Variants in LY6S observed in about 807,000 individuals in gnomAD.
LY6S encodes lymphocyte antigen 6 family member S, also known as lymphocyte antigen 6S.
chr8:143,064,768 G>A, the LY6S span, among the ~76,000 whole-genome samples: 3 of 152,242 alleles, frequency 2.0e-5, no homozygotes, highest in African/African-American at 7.2e-5. Context: ...ACAGTGGAAT[G>A]TATGTCCTCT....
At chr8:143,072,461 G>C in the LY6S span, among the ~76,000 whole-genome samples, 1 of 129,144 alleles carries the variant, frequency 7.7e-6, no homozygotes, top group Non-Finnish European at 1.6e-5. Context: ...ATTCCTGTTT[G>C]AGGAGACAGC....
the LY6S span, among the ~76,000 whole-genome samples, chr8:143,072,587 G>A: frequency 1.1e-4 from 10 of 92,992 alleles, no homozygotes; most frequent in East Asian, 5.3e-4. Flanking sequence ...CGTCCTCGGG[G>A]TTCCTGTTTG....
At chr8:143,063,773 G>A in the LY6S span, among the ~76,000 whole-genome samples, 1 of 152,186 alleles carries the variant, frequency 6.6e-6, no homozygotes, top group African/African-American at 2.4e-5. Flanking sequence ...TGGGAGTGTG[G>A]CCTGGCATTT....
chr8:143,044,597 G>A, the LY6S span: 1 of 1,264,250 alleles, frequency 7.9e-7, no homozygotes, highest in African/African-American at 1.5e-5. Context: ...GGGCTTGTAG[G>A]GGGACCTTGG....
chr8:143,052,141 C>T, the LY6S span, among the ~76,000 whole-genome samples: 2 of 151,436 alleles, frequency 1.3e-5, no homozygotes, highest in African/African-American at 2.4e-5. Flanking sequence ...ATTAGCCAGG[C>T]GTGGTGGCGG....
At chr8:143,044,744 C>T in the LY6S span, 26 of 1,367,466 alleles carry the variant, frequency 1.9e-5, no homozygotes, top group African/African-American at 7.4e-5. Context: ...CACGAGACCA[C>T]GCTGCAGGAG....
chr8:143,071,880 T>A, the LY6S span, among the ~76,000 whole-genome samples: 1 of 151,658 alleles, frequency 6.6e-6, no homozygotes, highest in Non-Finnish European at 1.5e-5. Flanking sequence ...CGGGAGGGAG[T>A]CTGGTGGTTC....
the LY6S span, among the ~76,000 whole-genome samples, chr8:143,055,732 G>A: frequency 5.3e-5 from 8 of 152,150 alleles, no homozygotes; most frequent in African/African-American, 1.2e-4. Context: ...GAGTAAATAC[G>A]CCGTGAAAGA....
the LY6S span, among the ~76,000 whole-genome samples, chr8:143,072,689 GTCC>G: frequency 8.0e-6 from 1 of 125,148 alleles, no homozygotes; most frequent in East Asian, 2.5e-4. Flanking sequence ...CGTCCCCGGG[GTCC>G]CTGTTTGAGG....
the LY6S span, chr8:143,044,701 T>C: frequency 5.0e-5 from 68 of 1,367,412 alleles, 1 homozygote; most frequent in Middle Eastern, 4.2e-4. Flanking sequence ...GACGCTCACT[T>C]TCTGGGAGAC....
At chr8:143,074,965 A>C in the LY6S span, among the ~76,000 whole-genome samples, 4 of 152,196 alleles carry the variant, frequency 2.6e-5, no homozygotes, top group Non-Finnish European at 5.9e-5. Context: ...AAGAAATGAT[A>C]ATTTTTGTAC....
chr8:143,070,114 G>T, the LY6S span, among the ~76,000 whole-genome samples: 1 of 151,840 alleles, frequency 6.6e-6, no homozygotes, highest in African/African-American at 2.4e-5. Context: ...CATGCAGATG[G>T]CATCTGCTCC....
chr8:143,058,252 C>T, the LY6S span, among the ~76,000 whole-genome samples: 1 of 152,090 alleles, frequency 6.6e-6, no homozygotes, highest in Admixed American at 6.6e-5. Context: ...GCCCAGGGGA[C>T]CACTACCACC....
the LY6S span, among the ~76,000 whole-genome samples, chr8:143,042,712 A>T: frequency 6.6e-6 from 1 of 152,024 alleles, no homozygotes; most frequent in Admixed American, 6.5e-5. Flanking sequence ...CCTTGCTTGG[A>T]TTCAGGTAGC....
chr8:143,046,829 G>A, the LY6S span, among the ~76,000 whole-genome samples: 1 of 151,256 alleles, frequency 6.6e-6, no homozygotes, highest in African/African-American at 2.4e-5. Context: ...ACGAAACCCT[G>A]TCTCTACTGA....
chr8:143,044,919 CCACCTGGACCTTTGCAATAGCCCCA>C, the LY6S span: 2 of 1,053,604 alleles, frequency 1.9e-6, no homozygotes, highest in South Asian at 3.3e-5. Context: ...TCCCAACCTG[CCACCTGGACCTTTGCAATAGCCCCA>C]CACACCTGCC....
At chr8:143,057,682 A>C in the LY6S span, 3 of 852,804 alleles carry the variant, frequency 3.5e-6, no homozygotes, top group Non-Finnish European at 6.2e-6. Context: ...TGGCGGGATG[A>C]ATCCAGCAAG....
At chr8:143,052,650 C>T in the LY6S span, among the ~76,000 whole-genome samples, 1 of 152,206 alleles carries the variant, frequency 6.6e-6, no homozygotes, top group African/African-American at 2.4e-5. Context: ...TCCCCCGCTC[C>T]TTGCAGCTAG....
the LY6S span, chr8:143,042,852 G>C: frequency 5.2e-5 from 24 of 459,046 alleles, no homozygotes; most frequent in African/African-American, 4.1e-4. Context: ...GTGGGGCCTG[G>C]TCTCTGAGGC....
Sources: allele counts gnomAD v4.1 joint callset (sites outside exome capture counted in the v4.1 genomes callset), GRCh38; gene constraint gnomAD v4.1.1; transcripts MANE v1.5; gene names NCBI Gene and HGNC (gene_info 2026-07-23, HGNC 2026-07-21).